Variants in CELF2 observed in about 807,000 individuals in gnomAD.
CELF2 encodes CUGBP Elav-like family member 2.
Under a neutral mutation model 62.6 loss-of-function variants are expected in CELF2, and 8 were observed. The ratio of observed to expected loss-of-function variants is 0.13; its 90% CI spans 0.07 to 0.23. The LOEUF (loss-of-function observed/expected upper bound fraction) is 0.23. Among genes scored for constraint, CELF2 ranks in the 10% least tolerant of loss-of-function variants. The pLI is 1.00. For synonymous variants in CELF2, 258 were observed against 250.0 expected, an observed-to-expected ratio of 1.03 and a Z score of -0.30; for missense variants, 333 against 671.0, an observed-to-expected ratio of 0.50 and a Z score of 5.56.
chr10:10,884,342 G>T (rs1045316581), intron 1 of CELF2, among the ~76,000 whole-genome samples: 1 of 152,208 alleles, frequency 6.6e-6, no homozygotes, highest in Non-Finnish European at 1.5e-5. Context: ...ACTGTCAGAA[G>T]TGGTTTGGAC....
chr10:10,839,203 C>T (rs908588422), intron 1 of CELF2, among the ~76,000 whole-genome samples: 14 of 152,108 alleles, frequency 9.2e-5, no homozygotes, highest in African/African-American at 1.4e-4. Context: ...TCACTGCTAC[C>T]GGGTTGTCAT....
rs2064622738 is a variant in CELF2 at position 11,220,743 on chromosome 10, C to G, written c.354+3236C>G. ...GGGATGAGAGTCTGGGAGTCCTTCC[C>G]TTGGTTTGATCACACATCTCCTCTA... On this transcript the variant is annotated intron_variant, in intron 3 of 12. Coordinates refer to ENST00000633077, the MANE Select transcript of CELF2 (RefSeq NM_001326342.2). The surrounding 1 kb of genome is among the most constrained non-coding windows in gnomAD (Gnocchi z 4.4). Among the ~76,000 whole-genome samples the G allele has an allele frequency of 6.6e-6, 1 of 152,218 alleles. No homozygotes were observed. Among genetic ancestry groups the G allele is most frequent in the African/African-American group, 2.4e-5 (1 of 41,448 alleles).
At chr10:11,176,342 A>G (rs1009207100) in intron 2 of CELF2, among the ~76,000 whole-genome samples, 1 of 152,186 alleles carries the variant, frequency 6.6e-6, no homozygotes, top group Non-Finnish European at 1.5e-5. Context: ...TCAGCATTGC[A>G]TCAAGCGGGT....
intron 1 of CELF2, among the ~76,000 whole-genome samples, chr10:11,047,348 A>G (rs2063050632): frequency 6.6e-6 from 1 of 152,176 alleles, no homozygotes; most frequent in Admixed American, 6.5e-5. Context: ...TCTGTGGATG[A>G]AAGGGTCTCT....
the CELF2 span, among the ~76,000 whole-genome samples, chr10:10,757,127 G>C: frequency 6.6e-6 from 1 of 151,502 alleles, no homozygotes; most frequent in Non-Finnish European, 1.5e-5. Context: ...GGGCAACAGA[G>C]GGGGACTCTG....
chr10:11,301,525 C>T (rs2140169455), intron 9 of CELF2, among the ~76,000 whole-genome samples: 1 of 112,420 alleles, frequency 8.9e-6, no homozygotes, highest in East Asian at 2.8e-4. Flanking sequence ...GCACCCCCCA[C>T]CCCGCTCCCG....
the CELF2 span, among the ~76,000 whole-genome samples, chr10:10,519,642 G>A: frequency 6.6e-6 from 1 of 152,102 alleles, no homozygotes; most frequent in Non-Finnish European, 1.5e-5. Context: ...AAACAATTTC[G>A]GGTTGTTGTG....
intron 1 of CELF2, among the ~76,000 whole-genome samples, chr10:10,910,817 A>G (rs1355680907): frequency 6.6e-6 from 1 of 152,044 alleles, no homozygotes; most frequent in African/African-American, 2.4e-5. Flanking sequence ...TTCTGGGAGT[A>G]CAAGTTGGTA....
chr10:11,198,376 T>C (rs1365942124), intron 2 of CELF2, among the ~76,000 whole-genome samples: 2 of 152,354 alleles, frequency 1.3e-5, no homozygotes, highest in African/African-American at 2.4e-5. Context: ...TGGGTTGTGA[T>C]GGTCAGACCT....
At chr10:10,992,959 T>G (rs1392871100) in intron 2 of CELF2, among the ~76,000 whole-genome samples, 1 of 152,164 alleles carries the variant, frequency 6.6e-6, no homozygotes. Flanking sequence ...CTTGAACTAC[T>G]TGAGGATGTG....
At chr10:10,624,959 G>A in the CELF2 span, among the ~76,000 whole-genome samples, 10 of 152,298 alleles carry the variant, frequency 6.6e-5, no homozygotes, top group East Asian at 5.8e-4. Context: ...GAAGCTGCGC[G>A]GCTCACACCT....
At chr10:10,762,140 C>T in the CELF2 span, among the ~76,000 whole-genome samples, 5 of 151,988 alleles carry the variant, frequency 3.3e-5, no homozygotes, top group South Asian at 2.1e-4. Flanking sequence ...TAAAACTGAG[C>T]CCTTATGCTT....
Position 11,314,339 on chromosome 10 carries a change from G to C in CELF2, c.1096+81G>C, listed in dbSNP as rs2094773471. On this transcript the variant is annotated intron_variant, in intron 10 of 12. Transcript: ENST00000633077. The surrounding 1 kb of genome is among the most constrained non-coding windows in gnomAD (Gnocchi z 5.3). The stretch of plus-strand genomic sequence containing the variant: ...CCACAGAAAGTGGTCAGCCAGAAAT[G>C]ACCCGAAAAAGGATATGCCACGGGG... The C allele has an allele frequency of 6.3e-7, 1 of 1,597,266 alleles. No individual in the cohort carries two copies. The highest frequency in any genetic ancestry group is 1.3e-5 in the African/African-American group (1 of 74,550).
At chr10:10,811,507 G>C (rs759655769) in intron 1 of CELF2, among the ~76,000 whole-genome samples, 1 of 152,038 alleles carries the variant, frequency 6.6e-6, no homozygotes, top group African/African-American at 2.4e-5. Flanking sequence ...GGTCTTCCTC[G>C]TGGTTACATT....
rs2075917494 is a variant in CELF2, at chr10:11,247,390, C to T, written c.355-1763C>T. Among the ~76,000 whole-genome samples, 1 of 152,216 alleles carries T rather than the reference C, an allele frequency of 6.6e-6. No individual in the cohort carries two copies. Among genetic ancestry groups the T allele is most frequent in the Admixed American group, 6.5e-5 (1 of 15,292 alleles). ...GGGGCTGCCCCGTGAGTTTCACATGCCGGCCCCCCTTCAGTGCTCGCACGT... is the reference window on the plus strand; with the variant it reads ...GGGGCTGCCCCGTGAGTTTCACATGTCGGCCCCCCTTCAGTGCTCGCACGT... On this transcript the variant is annotated intron_variant, in intron 3 of 12. Transcript: ENST00000633077. This position sits in a 1 kb window ranked among gnomAD's most constrained non-coding sequence, Gnocchi z 5.4.
the CELF2 span, among the ~76,000 whole-genome samples, chr10:10,543,739 A>T: frequency 6.9e-6 from 1 of 145,940 alleles, no homozygotes; most frequent in Non-Finnish European, 1.5e-5. Context: ...AGCCTGGGCA[A>T]CAAGAGAGAA....
the CELF2 span, among the ~76,000 whole-genome samples, chr10:10,506,397 TA>T: frequency 6.6e-6 from 1 of 152,020 alleles, no homozygotes; most frequent in Non-Finnish European, 1.5e-5. Flanking sequence ...GTGAGGGTCC[TA>T]AAAAGGCTAA....
the CELF2 span, among the ~76,000 whole-genome samples, chr10:10,762,684 T>C: frequency 6.6e-6 from 1 of 152,108 alleles, no homozygotes; most frequent in African/African-American, 2.4e-5. Flanking sequence ...TGGGCTTTAA[T>C]ATGAGTACAA....
chr10:11,213,998 A>T (rs951825039), intron 2 of CELF2, among the ~76,000 whole-genome samples: 1 of 152,162 alleles, frequency 6.6e-6, no homozygotes, highest in African/African-American at 2.4e-5. Context: ...TACTGATGAG[A>T]CTAGGCCGGG....
Sources: gnomAD v4.1 joint callset for allele counts (sites outside exome capture counted in the v4.1 genomes callset) on GRCh38, gnomAD v4.1.1 for gene constraint, Gnocchi (gnomAD v3.1) non-coding constraint, MANE v1.5 for transcripts, NCBI Gene and HGNC (gene_info 2026-07-23, HGNC 2026-07-21) for gene names.